The following RNF216 variants were observed in gnomAD, a reference collection of about 807,000 sequenced individuals.
The protein encoded by RNF216 is ring finger protein 216, also known as E3 ubiquitin-protein ligase RNF216.
A neutral mutation model predicts 110.8 loss-of-function variants in RNF216; 72 were observed. That is an observed-to-expected ratio of 0.65 (90% CI 0.54 to 0.79). The LOEUF (loss-of-function observed/expected upper bound fraction) is 0.79. Ranked by LOEUF, RNF216 falls within the 30% of genes least tolerant of loss-of-function variation. The probability of loss-of-function intolerance (pLI) is 0.00; values close to 1 mark genes in which losing one functional copy is unlikely to be tolerated. For missense variants in RNF216, 1,342 were observed against 1,141.2 expected (o/e 1.18, Z -2.54); for synonymous variants, 495 against 407.5 (o/e 1.21, Z -2.59).
chr7:5,683,566 G>C (rs1790789721), intron 13 of RNF216, among the ~76,000 whole-genome samples: 1 of 152,196 alleles, frequency 6.6e-6, no homozygotes, highest in African/African-American at 2.4e-5. Flanking sequence ...GAACAGGTAA[G>C]ATGTTCTCCA....
intron 13 of RNF216, among the ~76,000 whole-genome samples, chr7:5,669,931 C>CTT (rs546531281): frequency 2.8e-5 from 4 of 143,382 alleles, no homozygotes; most frequent in African/African-American, 1.0e-4. Flanking sequence ...TTTGGAAATC[C>CTT]TTTTTTTTTT....
At chr7:5,639,215 T>C (rs569600023) in intron 15 of RNF216, among the ~76,000 whole-genome samples, 8 of 152,272 alleles carry the variant, frequency 5.3e-5, no homozygotes, top group Admixed American at 4.6e-4. Flanking sequence ...TGCAGCCCCT[T>C]TGCTGCTTGG....
chr7:5,644,755 C>T (rs1177533896), intron 14 of RNF216, among the ~76,000 whole-genome samples: 1 of 152,028 alleles, frequency 6.6e-6, no homozygotes, highest in Non-Finnish European at 1.5e-5. Context: ...TCTGCCCGAC[C>T]TTGGCCTCTC....
At chr7:5,675,293 A>T (rs931245289) in intron 13 of RNF216, among the ~76,000 whole-genome samples, 2 of 152,208 alleles carry the variant, frequency 1.3e-5, no homozygotes, top group Admixed American at 1.3e-4. Flanking sequence ...CAAGAATTAG[A>T]AGCCCCAGAG....
At chr7:5,768,333 C>A (rs1401125636) in intron 1 of RNF216, among the ~76,000 whole-genome samples, 1 of 48,244 alleles carries the variant, frequency 2.1e-5, no homozygotes, top group Non-Finnish European at 4.4e-5. Flanking sequence ...AGTGGGAGGC[C>A]GAGGCAGGCA....
At chr7:5,765,934 C>T (rs1378731523) in intron 1 of RNF216, among the ~76,000 whole-genome samples, 28 of 127,856 alleles carry the variant, frequency 2.2e-4, no homozygotes, top group African/African-American at 8.3e-4. Context: ...GCCTGAGCGA[C>T]AGAGTGAGAC....
At chr7:5,664,701 C>T (rs555331261) in intron 13 of RNF216, among the ~76,000 whole-genome samples, 10 of 152,354 alleles carry the variant, frequency 6.6e-5, no homozygotes, top group Non-Finnish European at 1.2e-4. Flanking sequence ...GTAGGCTGCA[C>T]GCTTCCCCCA....
intron 1 of RNF216, among the ~76,000 whole-genome samples, chr7:5,766,244 T>A (rs1377954611): frequency 6.6e-6 from 1 of 151,656 alleles, no homozygotes; most frequent in African/African-American, 2.4e-5. Flanking sequence ...GAGCCATGAG[T>A]GTGCCACTGC....
At chr7:5,780,929 G>C (rs1177018623) in intron 1 of RNF216, among the ~76,000 whole-genome samples, 2 of 152,144 alleles carry the variant, frequency 1.3e-5, no homozygotes, top group African/African-American at 4.8e-5. Context: ...GAACCACCTC[G>C]ACGCGGGGAC....
intron 1 of RNF216, among the ~76,000 whole-genome samples, chr7:5,776,656 G>A (rs981929110): frequency 1.3e-5 from 2 of 149,764 alleles, no homozygotes. Flanking sequence ...GGTTTCACAG[G>A]AATAGCCATA....
In RNF216 at chr7:5,725,030, T is replaced by C. The variant is rs1195588403; in HGVS notation, c.1504+294A>G. Among the ~76,000 whole-genome samples the C allele has an allele frequency of 2.6e-5, 4 of 152,106 alleles. No homozygotes were observed. In the East Asian group the frequency reaches 5.8e-4, roughly 22 times the overall value. On this transcript the variant is annotated intron_variant, in intron 8 of 16. Coordinates refer to ENST00000389902, the MANE Select transcript of RNF216 (RefSeq NM_207111.4). ...ATTCGCATCAAACCTTTGAGACCAGTTTTTCCCCCCAAGCTTAACAGCACA... is the reference window on the plus strand; with the variant it reads ...ATTCGCATCAAACCTTTGAGACCAGCTTTTCCCCCCAAGCTTAACAGCACA...
intron 1 of RNF216, among the ~76,000 whole-genome samples, chr7:5,776,069 A>G (rs888682245): frequency 1.3e-5 from 2 of 152,128 alleles, no homozygotes; most frequent in Non-Finnish European, 2.9e-5. Context: ...GTCTGTACTA[A>G]TACAATTAAT....
In RNF216 at chr7:5,729,519, G is replaced by A. The variant is rs61753114; in HGVS notation, c.1302C>T (p.Leu434=). The A allele has an allele frequency of 0.026, 41,921 of 1,614,142 alleles. 633 individuals carry two copies. The highest frequency in any genetic ancestry group is 0.031 in the Non-Finnish European group (36,802 of 1,179,992). The change falls in exon 7 of 17, where the codon CTC becomes CTT. Residue 434 remains leucine (L), a synonymous_variant. Coordinates refer to ENST00000389902, the MANE Select transcript of RNF216 (RefSeq NM_207111.4). ...DQRCFIQAAD[L]LMADFKVLSS... ...TGAGCACTTTGAAGTCGGCCATGAGGAGGTCAGCAGCTTGGATGAAGCAGC... is the reference window on the plus strand; with the variant it reads ...TGAGCACTTTGAAGTCGGCCATGAGAAGGTCAGCAGCTTGGATGAAGCAGC...
intron 14 of RNF216, among the ~76,000 whole-genome samples, chr7:5,643,014 G>C (rs926733900): frequency 2.0e-5 from 3 of 152,082 alleles, no homozygotes; most frequent in Non-Finnish European, 4.4e-5. Context: ...CTTGGAAAGA[G>C]GGTCTATTTG....
At chr7:5,686,285 G>A (rs1442882682) in intron 13 of RNF216, among the ~76,000 whole-genome samples, 2 of 148,976 alleles carry the variant, frequency 1.3e-5, no homozygotes, top group Admixed American at 1.3e-4. Flanking sequence ...GAACACCACT[G>A]CTGCCACGTG....
chr7:5,776,319 C>T (rs1311425895), intron 1 of RNF216, among the ~76,000 whole-genome samples: 1 of 151,750 alleles, frequency 6.6e-6, no homozygotes, highest in Non-Finnish European at 1.5e-5. Flanking sequence ...CACGGTGGCT[C>T]AAGCCTGTAA....
intron 13 of RNF216, among the ~76,000 whole-genome samples, chr7:5,671,710 CAGG>C (rs1789923398): frequency 6.8e-6 from 1 of 146,024 alleles, no homozygotes; most frequent in East Asian, 2.1e-4. Context: ...AAGGCTGAGG[CAGG>C]AGAATCTCTT....
chr7:5,652,727 T>G (rs1788474400), intron 13 of RNF216, among the ~76,000 whole-genome samples: 1 of 152,000 alleles, frequency 6.6e-6, no homozygotes. Context: ...ACCAGCACTT[T>G]GGAAGGCTGT....
intron 5 of RNF216, among the ~76,000 whole-genome samples, chr7:5,731,697 C>G (rs1794100833): frequency 6.6e-6 from 1 of 151,106 alleles, no homozygotes. Context: ...TCTGTTCTTT[C>G]TCTTGCTCCA....
Sources: allele counts gnomAD v4.1 joint callset (sites outside exome capture counted in the v4.1 genomes callset), GRCh38; gene constraint gnomAD v4.1.1; transcripts MANE v1.5; gene names NCBI Gene and HGNC (gene_info 2026-07-23, HGNC 2026-07-21).